Variants in JHY observed in about 807,000 individuals in gnomAD.
JHY encodes the protein junctional cadherin complex regulator.
A neutral mutation model predicts 78.0 loss-of-function variants in JHY; 69 were observed. The observed-to-expected ratio is 0.88, with a 90% CI of 0.73 to 1.08. JHY has a LOEUF of 1.08. Ranked by LOEUF, JHY falls within the 50% of genes least tolerant of loss-of-function variation. The pLI is 0.00. For missense variants in JHY, 944 were observed against 927.8 expected (o/e 1.02, Z -0.23); for synonymous variants, 368 against 342.6 (o/e 1.07, Z -0.82).
At position 122,960,954 on chromosome 11, in the gene JHY, C is replaced by G; in HGVS notation, c.*1509C>G. 1.4e-6 allele frequency: 1 copy of G among 732,910 alleles called. No individual in the cohort carries two copies. The highest frequency in any genetic ancestry group is 2.6e-6 in the Non-Finnish European group (1 of 391,088). 45.4% of individuals were successfully genotyped at this position (732,910 alleles called of 1,614,324 possible). On this transcript the variant is annotated 3_prime_UTR_variant, in exon 9 of 9. Coordinates refer to ENST00000227349, the MANE Select transcript of JHY (RefSeq NM_024806.4). ...TCATATATCTGTGCAGAACATGATG[C>G]GTTGAAAGGAACAAGAGCACATGAT...
At chr11:122,915,317 C>T (rs1043011953) in intron 3 of JHY, among the ~76,000 whole-genome samples, 2 of 152,090 alleles carry the variant, frequency 1.3e-5, no homozygotes, top group African/African-American at 4.8e-5. Flanking sequence ...TCTTAAGGAG[C>T]TTATGGCAGA....
At position 122,901,636 on chromosome 11, in the gene JHY, G is replaced by A. The variant is rs1437423071; in HGVS notation, c.345-2289G>A. On this transcript the variant is annotated intron_variant, in intron 2 of 8. Coordinates refer to ENST00000227349, the MANE Select transcript of JHY (RefSeq NM_024806.4). ...CGCCTGTAATCCCAGCACTTTTGGA[G>A]GCTGAGGCAGGCAGATCACGAGGTC... 2.0e-5 allele frequency among the ~76,000 whole-genome samples: 3 copies of A among 152,036 alleles called. No individual in the cohort carries two copies. The South Asian group carries it at 6.2e-4, about 32-fold the overall frequency.
At chr11:122,904,527 T>A in intron 3 of JHY, 83 bp downstream of exon 3, 1 of 1,435,212 alleles carries the variant, frequency 7.0e-7, no homozygotes, top group Non-Finnish European at 9.4e-7. Flanking sequence ...TATCGCTTCC[T>A]TTAAGATGAC....
At chr11:122,906,195 A>G (rs11218885) in intron 3 of JHY, among the ~76,000 whole-genome samples, 6,326 of 152,200 alleles carry the variant, frequency 0.042, 175 homozygotes, top group Non-Finnish European at 0.061. Flanking sequence ...TCTTTGAAAA[A>G]AAATTTCTTT....
chr11:122,914,833 T>C (rs142593884), intron 3 of JHY, among the ~76,000 whole-genome samples: 423 of 152,318 alleles, frequency 2.8e-3, no homozygotes, highest in Non-Finnish European at 4.6e-3. Flanking sequence ...CATCGATTGA[T>C]ACATTTTCTT....
Position 122,935,051 on chromosome 11 carries a change from A to C in JHY, c.1610A>C (p.Lys537Thr). 6.3e-7 allele frequency: 1 copy of C among 1,578,002 alleles called. No individual in the cohort carries two copies. Among genetic ancestry groups the C allele is most frequent in the South Asian group, 1.2e-5 (1 of 85,162 alleles). ...CTCAAACAGCCTTATACAGAGACAA[A>C]ATACAGGAACTTAGAAATGTTATGG... ...KQLKQPYTET[K>T]YRNLEMLWKF... The change falls in exon 5 of 9, where the codon AAA (lysine) becomes ACA (threonine). Residue 537 changes from lysine (K) to threonine (T), a missense_variant. Coordinates refer to ENST00000227349, the MANE Select transcript of JHY (RefSeq NM_024806.4). The surrounding 1 kb of genome is among the most constrained non-coding windows in gnomAD (Gnocchi z 4.5).
chr11:122,885,182 C>A (rs1862469988), intron 1 of JHY, among the ~76,000 whole-genome samples: 1 of 152,070 alleles, frequency 6.6e-6, no homozygotes, highest in South Asian at 2.1e-4. Flanking sequence ...TTATATGTTC[C>A]TATCTAGTCA....
chr11:122,943,550 G>T (rs918368552), intron 5 of JHY, among the ~76,000 whole-genome samples: 9 of 152,242 alleles, frequency 5.9e-5, no homozygotes, highest in Non-Finnish European at 1.0e-4. Flanking sequence ...TGGTGAGGTG[G>T]CATCTCCCTC....
chr11:122,956,692 T>G, intron 7 of JHY, 116 bp downstream of exon 7: 1 of 716,662 alleles, frequency 1.4e-6, no homozygotes, highest in Non-Finnish European at 2.2e-6. Flanking sequence ...TCACTCTGAA[T>G]AGAGACCTTC....
chr11:122,959,594 G>T lies in JHY; in HGVS notation c.*149G>T. The T allele has an allele frequency of 1.4e-6, 1 of 737,594 alleles. No individual in the cohort carries two copies. Among genetic ancestry groups the T allele is most frequent in the African/African-American group, 1.8e-5 (1 of 56,108 alleles). The allele number at this position is 737,594 out of a possible 1,614,324, so 45.7% of individuals were successfully genotyped here. A position where few individuals can be genotyped will look rare whatever the true frequency, so the allele number is the denominator to read the frequency against. On this transcript the variant is annotated 3_prime_UTR_variant, in exon 9 of 9. Transcript: ENST00000227349. ...TTGCTTTCTGCAGGATTTAAAATATGAGGCCCAATTGGATTATGGTGCCAT... is the reference window on the plus strand; with the variant it reads ...TTGCTTTCTGCAGGATTTAAAATATTAGGCCCAATTGGATTATGGTGCCAT...
chr11:122,892,611 C>T (rs906047359), intron 2 of JHY, among the ~76,000 whole-genome samples: 2 of 152,054 alleles, frequency 1.3e-5, no homozygotes, highest in South Asian at 2.1e-4. Context: ...CATGAGCCAC[C>T]GCGCCTGGCC....
chr11:122,894,595 A>T (rs750173656), intron 2 of JHY, among the ~76,000 whole-genome samples: 3 of 152,228 alleles, frequency 2.0e-5, no homozygotes, highest in African/African-American at 4.8e-5. Context: ...CACATGACAT[A>T]ATCTTAATAG....
intron 6 of JHY, among the ~76,000 whole-genome samples, chr11:122,952,689 CT>C (rs1294548982): frequency 6.6e-6 from 1 of 152,206 alleles, no homozygotes; most frequent in Non-Finnish European, 1.5e-5. Context: ...CACAATGTGT[CT>C]TTTGTAAGTC....
At chr11:122,944,979 G>T (rs1369814419) in intron 5 of JHY, among the ~76,000 whole-genome samples, 1 of 151,990 alleles carries the variant, frequency 6.6e-6, no homozygotes, top group Non-Finnish European at 1.5e-5. Flanking sequence ...TTTTAATTCT[G>T]CCTGAGACTC....
intron 3 of JHY, among the ~76,000 whole-genome samples, chr11:122,924,136 C>A (rs1456105320): frequency 6.6e-6 from 1 of 152,002 alleles, no homozygotes; most frequent in African/African-American, 2.4e-5. Context: ...GAGGTGGGAT[C>A]AGGGCATTAG....
At chr11:122,920,660 T>C (rs1003441815) in intron 3 of JHY, among the ~76,000 whole-genome samples, 1 of 152,150 alleles carries the variant, frequency 6.6e-6, no homozygotes, top group Non-Finnish European at 1.5e-5. Context: ...CTGAGTTGCT[T>C]TCCTACCTAC....
At chr11:122,940,802 C>G (rs1863859232) in intron 5 of JHY, among the ~76,000 whole-genome samples, 1 of 151,544 alleles carries the variant, frequency 6.6e-6, no homozygotes, top group Non-Finnish European at 1.5e-5. Flanking sequence ...TGAAATAAGA[C>G]CTTTTCCTCT....
At chr11:122,903,884 T>C in intron 2 of JHY, 41 bp from the exon 3 acceptor site, 1 of 1,521,786 alleles carries the variant, frequency 6.6e-7, no homozygotes. Flanking sequence ...AGTGAATTTA[T>C]TTCAACTAAG....
intron 8 of JHY, among the ~76,000 whole-genome samples, chr11:122,958,059 C>G (rs7102462): frequency 0.55 from 82,862 of 151,964 alleles, 23,114 homozygotes; most frequent in Non-Finnish European, 0.58. Context: ...CACTGTTTCT[C>G]TCAACTTCAT....
Sources: gnomAD v4.1 joint callset for allele counts (sites outside exome capture counted in the v4.1 genomes callset) on GRCh38, gnomAD v4.1.1 for gene constraint, Gnocchi (gnomAD v3.1) non-coding constraint, MANE v1.5 for transcripts, NCBI Gene and HGNC (gene_info 2026-07-23, HGNC 2026-07-21) for gene names.